Variants in CUX1 observed in about 807,000 individuals in gnomAD.
CUX1 encodes the protein protein CASP.
CUX1 carries 31 observed loss-of-function variants against 158.8 expected under a neutral mutation model. The ratio of observed to expected loss-of-function variants is 0.20; its 90% CI spans 0.15 to 0.26. CUX1 has a LOEUF of 0.26. Among genes scored for constraint, CUX1 ranks in the 10% least tolerant of loss-of-function variants. CUX1 has a pLI of 1.00. For synonymous variants in CUX1, 879 were observed against 862.1 expected (o/e 1.02, Z -0.34); for missense variants, 1,589 against 2,014.6 (o/e 0.79, Z 4.04).
At chr7:102,115,153 GTA>G in intron 7 of CUX1, 52 bp from the exon 8 acceptor site, 1 of 1,446,220 alleles carries the variant, frequency 6.9e-7, no homozygotes, top group Non-Finnish European at 9.7e-7. Context: ...GATTACCTGT[GTA>G]TGCATTCTTT....
intron 1 of CUX1, among the ~76,000 whole-genome samples, chr7:101,855,087 T>C (rs1207832592): frequency 6.6e-6 from 1 of 152,248 alleles, no homozygotes; most frequent in Non-Finnish European, 1.5e-5. Context: ...CTCTTCTCTG[T>C]TAATGCATCC....
At chr7:101,831,897 A>G (rs1794074065) in intron 1 of CUX1, among the ~76,000 whole-genome samples, 2 of 151,670 alleles carry the variant, frequency 1.3e-5, no homozygotes, top group African/African-American at 2.4e-5. Context: ...ATGCGCCACC[A>G]TGCCAGGCTA....
intron 9 of CUX1, among the ~76,000 whole-genome samples, chr7:102,165,216 C>T (rs527247930): frequency 6.6e-6 from 1 of 152,122 alleles, no homozygotes; most frequent in Non-Finnish European, 1.5e-5. Flanking sequence ...CTCTGCAAGC[C>T]CACCCCTCTC....
rs544765992 is a variant in CUX1 at position 101,980,914 on chromosome 7, G to A, written c.142-47184G>A. ...CTGGCCTTTGAGTTCAATGTCCTGG[G>A]AACTTAACTCTAGGGATGCTCTTTC... On this transcript the variant is annotated intron_variant, in intron 2 of 23. Coordinates refer to ENST00000292535, the MANE Select transcript of CUX1 (RefSeq NM_181552.4). Among the ~76,000 whole-genome samples the A allele has an allele frequency of 4.6e-5, 7 of 152,278 alleles. No homozygotes were observed. The South Asian group carries it at 1.4e-3, about 32-fold the overall frequency.
At chr7:101,897,986 C>T (rs927202552) in intron 1 of CUX1, among the ~76,000 whole-genome samples, 10 of 152,292 alleles carry the variant, frequency 6.6e-5, no homozygotes, top group Non-Finnish European at 8.8e-5. Context: ...AGCTTGCCTG[C>T]GTGGATCCAG....
intron 21 of CUX1, among the ~76,000 whole-genome samples, chr7:102,228,693 G>A (rs1330883075): frequency 1.3e-5 from 2 of 152,208 alleles, no homozygotes; most frequent in Non-Finnish European, 2.9e-5. Flanking sequence ...AGCTACTCGG[G>A]AGGCTGAAGC....
chr7:102,250,190 A>G lies in CUX1; in HGVS notation c.*1148A>G. 4.1e-6 allele frequency: 4 copies of G among 985,412 alleles called. No homozygotes were observed. Among genetic ancestry groups the G allele is most frequent in the Non-Finnish European group, 4.8e-6 (4 of 829,928 alleles). The allele number at this position is 985,412 out of a possible 1,614,324, so 61.0% of individuals were successfully genotyped here. A position where few individuals can be genotyped will look rare whatever the true frequency, so the allele number is the denominator to read the frequency against. ...GAGACAAGTTAGAACTGTAGCATGTACCTGTTAATTTTGTTTAATTTATGG... is the reference window on the plus strand; with the variant it reads ...GAGACAAGTTAGAACTGTAGCATGTGCCTGTTAATTTTGTTTAATTTATGG... On this transcript the variant is annotated 3_prime_UTR_variant, in exon 24 of 24. Coordinates refer to ENST00000292535, the MANE Select transcript of CUX1 (RefSeq NM_181552.4).
Position 102,254,974 on chromosome 7 carries a change from A to ATGGGCTGAAAGT in CUX1, c.*5934_*5945dup. 1.0e-6 allele frequency: 1 copy of ATGGGCTGAAAGT among 985,440 alleles called. No individual in the cohort carries two copies. The highest frequency in any genetic ancestry group is 4.7e-5 in the South Asian group (1 of 21,286). 61.0% of individuals were successfully genotyped at this position (985,440 alleles called of 1,614,324 possible). On this transcript the variant is annotated 3_prime_UTR_variant, in exon 24 of 24. Coordinates refer to ENST00000292535, the MANE Select transcript of CUX1 (RefSeq NM_181552.4). ...GATCCAGTCTGTGAAACCCTTAGAGATGGGCTGAAAGTTAAGTCCACCAAC... is the reference window on the plus strand; with the variant it reads ...GATCCAGTCTGTGAAACCCTTAGAGATGGGCTGAAAGTTGGGCTGAAAGTTAAGTCCACCAAC...
chr7:101,852,066 G>C (rs567728746), intron 1 of CUX1, among the ~76,000 whole-genome samples: 1 of 151,986 alleles, frequency 6.6e-6, no homozygotes, highest in African/African-American at 2.4e-5. Context: ...CTGGTCTCAA[G>C]CAGTCCTCCC....
At chr7:102,236,191 C>T (rs1554532742) in intron 22 of CUX1, among the ~76,000 whole-genome samples, 1 of 152,224 alleles carries the variant, frequency 6.6e-6, no homozygotes, top group Non-Finnish European at 1.5e-5. Context: ...AAATATACAT[C>T]CGCTGCCTCT....
chr7:102,177,549 G>C (rs782511331), intron 10 of CUX1, among the ~76,000 whole-genome samples: 1 of 152,056 alleles, frequency 6.6e-6, no homozygotes, highest in Non-Finnish European at 1.5e-5. Context: ...GGAAAATCTC[G>C]GTGGTTTGGG....
intron 18 of CUX1, among the ~76,000 whole-genome samples, chr7:102,278,999 C>A (rs1490060493): frequency 6.6e-6 from 1 of 152,022 alleles, no homozygotes; most frequent in Non-Finnish European, 1.5e-5. Context: ...GAGATCCAGC[C>A]ACTACACTCC....
intron 8 of CUX1, among the ~76,000 whole-genome samples, chr7:102,158,016 C>T (rs1406512299): frequency 6.6e-6 from 1 of 152,174 alleles, no homozygotes; most frequent in Non-Finnish European, 1.5e-5. Context: ...ACCTGCCCTC[C>T]TCACCTCCAG....
rs932096724 is a variant in CUX1 at position 101,986,178 on chromosome 7, A to G, written c.142-41920A>G. On this transcript the variant is annotated intron_variant, in intron 2 of 23. Coordinates refer to ENST00000292535, the MANE Select transcript of CUX1 (RefSeq NM_181552.4). ...TCCTGGTTTTAAGGTGTAATTTTGC[A>G]CAAGTGTTAACAACAAGAGATGGAA... is the stretch of plus-strand genomic sequence containing the variant. Among the ~76,000 whole-genome samples, 3 of 152,338 alleles carry G rather than the reference A, an allele frequency of 2.0e-5. No individual in the cohort carries two copies. The East Asian group carries it at 5.8e-4, about 29-fold the overall frequency.
chr7:101,824,208 C>T (rs1016967315), intron 1 of CUX1, among the ~76,000 whole-genome samples: 1 of 152,294 alleles, frequency 6.6e-6, no homozygotes, highest in Non-Finnish European at 1.5e-5. Context: ...GTGCCTCAGC[C>T]CCCCCGAGTA....
chr7:102,029,439 G>A (rs141340612), intron 3 of CUX1, among the ~76,000 whole-genome samples: 6 of 152,206 alleles, frequency 3.9e-5, no homozygotes, highest in Non-Finnish European at 8.8e-5. Flanking sequence ...CCTTATATAT[G>A]GAAGGCTGGG....
In CUX1 at chr7:102,248,358, G is replaced by T; in HGVS notation, c.3888-54G>T. On this transcript the variant is annotated intron_variant, in intron 23 of 23. Coordinates refer to ENST00000292535, the MANE Select transcript of CUX1 (RefSeq NM_181552.4). This position sits in a 1 kb window ranked among gnomAD's most constrained non-coding sequence, Gnocchi z 5.8. ...GGGGTCTGGCTGGGGTAGCACCAGA[G>T]GCCCTTTCCCCAGCAGCACCCCCCT... 1 of 1,479,934 alleles carries T rather than the reference G, an allele frequency of 6.8e-7. No homozygotes were observed. The highest frequency in any genetic ancestry group is 2.6e-5 in the East Asian group (1 of 38,896). 91.7% of individuals were successfully genotyped at this position (1,479,934 alleles called of 1,614,324 possible).
intron 2 of CUX1, among the ~76,000 whole-genome samples, chr7:101,963,946 C>T (rs1810826476): frequency 6.6e-6 from 1 of 152,188 alleles, no homozygotes; most frequent in Non-Finnish European, 1.5e-5. Context: ...GCCACTGTGC[C>T]TGGGCAAGCC....
intron 5 of CUX1, among the ~76,000 whole-genome samples, chr7:102,103,665 G>T (rs1830021488): frequency 6.6e-6 from 1 of 152,088 alleles, no homozygotes; most frequent in Non-Finnish European, 1.5e-5. Context: ...AAACTGCTGG[G>T]CTCAAGGGAT....
Sources: allele counts gnomAD v4.1 joint callset (sites outside exome capture counted in the v4.1 genomes callset), GRCh38; gene constraint gnomAD v4.1.1; non-coding constraint Gnocchi (gnomAD v3.1); transcripts MANE v1.5; gene names NCBI Gene and HGNC (gene_info 2026-07-23, HGNC 2026-07-21).